The following POLA1 variants were observed in gnomAD, a reference collection of about 807,000 sequenced individuals.
The protein encoded by POLA1 is DNA polymerase alpha catalytic subunit.
In POLA1, 15 loss-of-function variants were observed where a neutral mutation model predicts 124.0. The ratio of observed to expected loss-of-function variants is 0.12; its 90% CI spans 0.08 to 0.19. The LOEUF is 0.19. Ranked by LOEUF, POLA1 falls within the 10% of genes least tolerant of loss-of-function variation. POLA1 has a pLI of 1.00. For missense variants in POLA1, 886 were observed against 1,103.4 expected, an observed-to-expected ratio of 0.80 and a Z score of 2.79; for synonymous variants, 408 against 389.4, an observed-to-expected ratio of 1.05 and a Z score of -0.56.
At chrX:24,933,201 T>G (rs1431391510) in intron 36 of POLA1, among the ~76,000 whole-genome samples, 1 of 111,876 alleles carries the variant, frequency 8.9e-6, no homozygotes, top group African/African-American at 3.2e-5. Context: ...GACAATTGAA[T>G]GCAAGGTCAT....
At chrX:24,834,031 G>A (rs2046305503) in intron 32 of POLA1, among the ~76,000 whole-genome samples, 1 of 107,339 alleles carries the variant, frequency 9.3e-6, no homozygotes, top group African/African-American at 3.4e-5. Flanking sequence ...GCTGCAGTGA[G>A]CTAGGTCAAG....
chrX:24,749,232 A>G (rs1932187423), intron 26 of POLA1, among the ~76,000 whole-genome samples: 1 of 107,513 alleles, frequency 9.3e-6, no homozygotes, highest in African/African-American at 3.4e-5. Context: ...TTCTCAGGAT[A>G]GAGTGTCAAG....
chrX:24,895,669 G>A (rs187134643), intron 35 of POLA1, among the ~76,000 whole-genome samples: 2 of 112,373 alleles, frequency 1.8e-5, no homozygotes, highest in East Asian at 5.6e-4. Flanking sequence ...GCTGGCCTCA[G>A]CCCATCACTG....
Position 24,717,341 on chromosome X carries a change from T to A in POLA1, c.758T>A (p.Met253Lys). The A allele has an allele frequency of 8.3e-7, 1 of 1,209,102 alleles. No individual in the cohort carries two copies. Among genetic ancestry groups the A allele is most frequent in the Non-Finnish European group, 1.1e-6 (1 of 893,893 alleles). ...STEEEQESGA[M>K]EFEDGDFDEP... ...GAAGAAGAGCAGGAGTCAGGGGCAA[T>A]GGAGTTTGAAGATGGTGACTTTGAT... The change falls in exon 9 of 37, where the codon ATG becomes AAG. Residue 253 changes from methionine to lysine, a missense_variant. By Grantham distance (95) the Met-to-Lys change is moderately conservative. Transcript: ENST00000379068.
At chrX:24,994,966 G>T (rs1270645030) in intron 36 of POLA1, among the ~76,000 whole-genome samples, 1 of 110,651 alleles carries the variant, frequency 9.0e-6, no homozygotes, top group Non-Finnish European at 1.9e-5. Context: ...CAAGGCAGGA[G>T]AATCACTTGA....
At chrX:24,788,264 A>G in intron 26 of POLA1, 1 of 704,770 alleles carries the variant, frequency 1.4e-6, no homozygotes, top group Non-Finnish European at 2.0e-6. Context: ...CATCATACAC[A>G]ACAGTGAAAA....
At chrX:24,744,095 C>T (rs1364744709) in intron 23 of POLA1, among the ~76,000 whole-genome samples, 1 of 111,834 alleles carries the variant, frequency 8.9e-6, no homozygotes, top group East Asian at 2.8e-4. Flanking sequence ...TTCAACCCTT[C>T]CCAAGTGTAC....
At chrX:24,819,571 C>G (rs1339848782) in intron 30 of POLA1, among the ~76,000 whole-genome samples, 1 of 111,873 alleles carries the variant, frequency 8.9e-6, no homozygotes, top group East Asian at 2.8e-4. Flanking sequence ...TCAGATGTGC[C>G]TTGTGTGTAC....
intron 26 of POLA1, among the ~76,000 whole-genome samples, chrX:24,767,691 G>A (rs1476246509): frequency 8.9e-6 from 1 of 111,782 alleles, no homozygotes; most frequent in Admixed American, 9.5e-5. Flanking sequence ...TTTATTACAT[G>A]TGTAGAAATG....
intron 26 of POLA1, among the ~76,000 whole-genome samples, chrX:24,790,919 A>ATATATATG (rs1555991319): frequency 0.01 from 1,021 of 100,218 alleles, 15 homozygotes; most frequent in African/African-American, 0.037. Context: ...ATGTATATAT[A>ATATATATG]TATATATATA....
chrX:24,926,018 A>C (rs1442307856), intron 35 of POLA1, among the ~76,000 whole-genome samples: 1 of 110,427 alleles, frequency 9.1e-6, no homozygotes, highest in Admixed American at 9.7e-5. Context: ...GCAATATAGC[A>C]AGACCTCATC....
chrX:24,914,524 C>G (rs1485608040), intron 35 of POLA1, among the ~76,000 whole-genome samples: 5 of 100,873 alleles, frequency 5.0e-5, no homozygotes, highest in Non-Finnish European at 9.7e-5. Flanking sequence ...TCCCCCCACC[C>G]CCGCAAAAAA....
chrX:24,814,478 T>C (rs972590161), intron 29 of POLA1, among the ~76,000 whole-genome samples: 5 of 112,080 alleles, frequency 4.5e-5, no homozygotes, highest in African/African-American at 1.6e-4. Flanking sequence ...TTTGAAATCT[T>C]TGTTTTTTAA....
chrX:24,783,604 A>C (rs749191736), intron 26 of POLA1, among the ~76,000 whole-genome samples: 5 of 112,088 alleles, frequency 4.5e-5, no homozygotes, highest in Non-Finnish European at 9.4e-5. Context: ...CTATGCTTCT[A>C]AGGATTCTTA....
In POLA1 at chrX:24,996,549, C is replaced by A. The variant is rs995323614; in HGVS notation, c.*599C>A. ...TTGTTTGTTGAATTGCTCCAAAGTC[C>A]AACAGACACACACTGAGCAGGTGTT... On this transcript the variant is annotated 3_prime_UTR_variant, in exon 37 of 37. Coordinates refer to ENST00000379068, the MANE Select transcript of POLA1 (RefSeq NM_001330360.2). 1.8e-5 allele frequency: 2 copies of A among 112,705 alleles called. No homozygotes were observed. The highest frequency in any genetic ancestry group is 6.5e-5 in the African/African-American group (2 of 30,896). The allele number at this position is 112,705 out of a possible 1,213,427, so 9.3% of individuals were successfully genotyped here. A position where few individuals can be genotyped will look rare whatever the true frequency, so the allele number is the denominator to read the frequency against.
At chrX:24,934,001 G>A (rs980740506) in intron 36 of POLA1, among the ~76,000 whole-genome samples, 1 of 112,044 alleles carries the variant, frequency 8.9e-6, no homozygotes, top group Non-Finnish European at 1.9e-5. Context: ...GCTCCAGAAT[G>A]TACACAGATG....
chrX:24,799,541 C>T (rs933376305), intron 26 of POLA1, among the ~76,000 whole-genome samples: 2 of 112,433 alleles, frequency 1.8e-5, no homozygotes, highest in East Asian at 2.8e-4. Flanking sequence ...GCCAGCCTGA[C>T]GCCTTCTTCT....
At chrX:24,939,213 A>T (rs920263331) in intron 36 of POLA1, among the ~76,000 whole-genome samples, 1 of 112,316 alleles carries the variant, frequency 8.9e-6, no homozygotes, top group Non-Finnish European at 1.9e-5. Context: ...GCATATTGTC[A>T]TTTTTTAGTA....
intron 34 of POLA1, among the ~76,000 whole-genome samples, chrX:24,884,027 ATAT>A (rs1182393713): frequency 1.8e-5 from 2 of 112,007 alleles, no homozygotes; most frequent in Non-Finnish European, 3.8e-5. Flanking sequence ...AACTTATGCA[ATAT>A]TATTATTTTC....
Sources: gnomAD v4.1 joint callset for allele counts (sites outside exome capture counted in the v4.1 genomes callset) on GRCh38, gnomAD v4.1.1 for gene constraint, MANE v1.5 for transcripts, NCBI Gene and HGNC (gene_info 2026-07-23, HGNC 2026-07-21) for gene names.